The following ANKRD62 variants were observed in gnomAD, a reference collection of about 807,000 sequenced individuals.
ANKRD62 encodes ankyrin repeat domain-containing protein 62.
A neutral mutation model predicts 98.8 loss-of-function variants in ANKRD62; 61 were observed. The ratio of observed to expected loss-of-function variants is 0.62; its 90% CI spans 0.50 to 0.76. ANKRD62 has a LOEUF of 0.76. Among genes scored for constraint, ANKRD62 ranks in the 30% least tolerant of loss-of-function variants. The pLI is 0.00. For synonymous variants in ANKRD62, 341 were observed against 367.9 expected (o/e 0.93, Z 0.84); for missense variants, 933 against 1,082.9 (o/e 0.86, Z 1.94).
At chr18:12,168,400 C>G in the ANKRD62 span, among the ~76,000 whole-genome samples, 1 of 152,066 alleles carries the variant, frequency 6.6e-6, no homozygotes, top group South Asian at 2.1e-4. Context: ...GAATCCTTTC[C>G]CCATTGCTTG....
At chr18:12,127,082 A>ATT (rs1167134939) in intron 13 of ANKRD62, among the ~76,000 whole-genome samples, 55 of 152,326 alleles carry the variant, frequency 3.6e-4, no homozygotes, top group Non-Finnish European at 7.5e-4. Flanking sequence ...TCAGTCAAAA[A>ATT]TGTGGTCATA....
chr18:12,130,472 A>T (rs1272761164), downstream of ANKRD62, among the ~76,000 whole-genome samples: 1 of 152,216 alleles, frequency 6.6e-6, no homozygotes, highest in East Asian at 1.9e-4. Flanking sequence ...TGTCACACTG[A>T]AAAGGAATTT....
chr18:12,127,777 G>A lies in ANKRD62; in HGVS notation c.2592G>A (p.Val864=). The change falls in exon 14 of 14, where the codon GTG becomes GTA. Residue 864 remains valine, a synonymous_variant. Transcript: ENST00000587848. ...EVVRRQLQRE[V]DDALNKQLLL... is the part of the protein sequence containing the mutation. ...TCAGGAGACAGCTTCAACGAGAAGTGGATGATGCCCTGAACAAACAATTGC... is the reference window on the plus strand; with the variant it reads ...TCAGGAGACAGCTTCAACGAGAAGTAGATGATGCCCTGAACAAACAATTGC... 2 of 1,454,570 alleles carry A rather than the reference G, an allele frequency of 1.4e-6. No individual in the cohort carries two copies. Among genetic ancestry groups the A allele is most frequent in the Non-Finnish European group, 1.8e-6 (2 of 1,110,234 alleles). The allele number at this position is 1,454,570 out of a possible 1,614,324, so 90.1% of individuals were successfully genotyped here.
the ANKRD62 span, among the ~76,000 whole-genome samples, chr18:12,138,909 C>T: frequency 2.0e-5 from 3 of 152,238 alleles, no homozygotes; most frequent in Non-Finnish European, 2.9e-5. Flanking sequence ...GATCTTCCTC[C>T]ATCTCTTTAT....
chr18:12,163,372 ATTTGTTTGTCAG>A, the ANKRD62 span, among the ~76,000 whole-genome samples: 2 of 152,058 alleles, frequency 1.3e-5, no homozygotes, highest in African/African-American at 4.8e-5. Flanking sequence ...ACTTAAATCA[ATTTGTTTGTCAG>A]TTCTAATAGG....
chr18:12,110,275 G>A (rs974078999), intron 8 of ANKRD62, among the ~76,000 whole-genome samples: 7 of 152,312 alleles, frequency 4.6e-5, no homozygotes, highest in Middle Eastern at 3.4e-3. Flanking sequence ...AGTATAAAAT[G>A]TCTCAGAGTT....
chr18:12,111,243 C>A (rs1476528720), intron 8 of ANKRD62, among the ~76,000 whole-genome samples: 3 of 126,946 alleles, frequency 2.4e-5, no homozygotes, highest in Non-Finnish European at 5.1e-5. Context: ...AGCGAGACTG[C>A]CTCTCAAAAA....
chr18:12,158,826 G>A, the ANKRD62 span, among the ~76,000 whole-genome samples: 12 of 152,084 alleles, frequency 7.9e-5, no homozygotes, highest in South Asian at 1.7e-3. Context: ...GAGCCACCGC[G>A]CCCGGCCAGA....
intron 10 of ANKRD62, among the ~76,000 whole-genome samples, chr18:12,117,716 G>C (rs1005503546): frequency 6.6e-6 from 1 of 152,146 alleles, no homozygotes; most frequent in South Asian, 2.1e-4. Context: ...TGTATCTGTC[G>C]AGATGATTCT....
At chr18:12,157,589 C>T in the ANKRD62 span, among the ~76,000 whole-genome samples, 8 of 152,068 alleles carry the variant, frequency 5.3e-5, no homozygotes, top group Admixed American at 2.6e-4. Context: ...GTTTCTCATC[C>T]GTGAATTATC....
chr18:12,107,009 A>C (rs1250210668), intron 7 of ANKRD62, among the ~76,000 whole-genome samples: 1 of 152,128 alleles, frequency 6.6e-6, no homozygotes, highest in East Asian at 1.9e-4. Flanking sequence ...GGGGGTGAAA[A>C]TGTATATTAG....
the ANKRD62 span, among the ~76,000 whole-genome samples, chr18:12,141,358 G>C: frequency 2.0e-5 from 3 of 152,332 alleles, no homozygotes; most frequent in South Asian, 6.2e-4. Flanking sequence ...TGCACCCACT[G>C]TCTGGCACTA....
chr18:12,152,637 C>A, the ANKRD62 span, among the ~76,000 whole-genome samples: 1 of 152,090 alleles, frequency 6.6e-6, no homozygotes, highest in Non-Finnish European at 1.5e-5. Flanking sequence ...ACTGAATGGG[C>A]AAAAGCTGGG....
chr18:12,135,649 A>G, the ANKRD62 span, among the ~76,000 whole-genome samples: 1 of 151,776 alleles, frequency 6.6e-6, no homozygotes, highest in Non-Finnish European at 1.5e-5. Context: ...ACTAGTTTAC[A>G]GTCCCACCAA....
chr18:12,118,177 A>T (rs1598736206), intron 10 of ANKRD62, among the ~76,000 whole-genome samples: 1 of 151,538 alleles, frequency 6.6e-6, no homozygotes, highest in Non-Finnish European at 1.5e-5. Context: ...CATTATTTTC[A>T]CCTCCCTAAA....
intron 8 of ANKRD62, among the ~76,000 whole-genome samples, chr18:12,114,308 A>G (rs1388912385): frequency 6.6e-6 from 1 of 152,360 alleles, no homozygotes; most frequent in Admixed American, 6.5e-5. Context: ...CCAAGATTAA[A>G]ATCTTATTTT....
At chr18:12,169,442 T>A in the ANKRD62 span, among the ~76,000 whole-genome samples, 1 of 152,196 alleles carries the variant, frequency 6.6e-6, no homozygotes, top group Non-Finnish European at 1.5e-5. Context: ...ATTTATTGAT[T>A]TGCGTATGTT....
At chr18:12,098,742 A>G (rs1909237270) in intron 5 of ANKRD62, among the ~76,000 whole-genome samples, 1 of 152,206 alleles carries the variant, frequency 6.6e-6, no homozygotes, top group South Asian at 2.1e-4. Flanking sequence ...CTCAGAAATG[A>G]AAAAATAACC....
At chr18:12,181,679 T>C in the ANKRD62 span, among the ~76,000 whole-genome samples, 157 of 152,310 alleles carry the variant, frequency 1.0e-3, no homozygotes, top group South Asian at 8.3e-4. Context: ...AGCTCTGGTC[T>C]ACAGCTCCCA....
Sources: allele counts gnomAD v4.1 joint callset (sites outside exome capture counted in the v4.1 genomes callset), GRCh38; gene constraint gnomAD v4.1.1; transcripts MANE v1.5; gene names NCBI Gene and HGNC (gene_info 2026-07-23, HGNC 2026-07-21).